The following MAP2 variants were observed in gnomAD, a reference collection of about 807,000 sequenced individuals.
MAP2 encodes the protein microtubule-associated protein 2.
MAP2 carries 14 observed loss-of-function variants against 137.6 expected under a neutral mutation model. The observed-to-expected ratio is 0.10, with a 90% CI of 0.07 to 0.16. The LOEUF is 0.16. Ranked by LOEUF, MAP2 falls within the 10% of genes least tolerant of loss-of-function variation. The probability of loss-of-function intolerance (pLI) is 1.00; values close to 1 mark genes in which losing one functional copy is unlikely to be tolerated. For missense variants in MAP2, 2,088 were observed against 2,191.5 expected (o/e 0.95, Z 0.94); for synonymous variants, 786 against 782.3 (o/e 1.00, Z -0.08).
intron 2 of MAP2, among the ~76,000 whole-genome samples, chr2:209,522,144 T>C (rs936255045): frequency 2.0e-5 from 3 of 148,694 alleles, no homozygotes; most frequent in African/African-American, 7.4e-5. Flanking sequence ...ATGGGCCTCC[T>C]TTTTTTTTTC....
intron 2 of MAP2, among the ~76,000 whole-genome samples, chr2:209,554,957 T>TA (rs1020457589): frequency 2.7e-5 from 4 of 146,542 alleles, no homozygotes; most frequent in African/African-American, 1.0e-4. Context: ...TATATTATTT[T>TA]TATATATATA....
chr2:209,654,841 C>T (rs1312135933), intron 5 of MAP2, among the ~76,000 whole-genome samples: 4 of 151,948 alleles, frequency 2.6e-5, no homozygotes, highest in Admixed American at 6.6e-5. Flanking sequence ...GTTGAGTGAG[C>T]GAGTGAATGA....
At chr2:209,550,278 T>G (rs116390622) in intron 2 of MAP2, among the ~76,000 whole-genome samples, 3,336 of 152,176 alleles carry the variant, frequency 0.022, 43 homozygotes, top group Non-Finnish European at 0.035. Flanking sequence ...ACAACATATA[T>G]CTTATGGAAA....
intron 3 of MAP2, among the ~76,000 whole-genome samples, chr2:209,616,725 G>A (rs532534355): frequency 6.6e-6 from 1 of 152,248 alleles, no homozygotes; most frequent in East Asian, 1.9e-4. Context: ...CACATTAGTT[G>A]GGGTGGAGTG....
intron 1 of MAP2, among the ~76,000 whole-genome samples, chr2:209,430,329 A>G (rs547743299): frequency 7.9e-5 from 12 of 151,776 alleles, no homozygotes; most frequent in Non-Finnish European, 1.8e-4. Context: ...AATTTTGTCT[A>G]CCTGGTGTTT....
At chr2:209,488,482 T>C (rs567157207) in intron 1 of MAP2, among the ~76,000 whole-genome samples, 1 of 151,720 alleles carries the variant, frequency 6.6e-6, no homozygotes, top group Admixed American at 6.6e-5. Flanking sequence ...GGGAGCCAAG[T>C]GGTCTAGCTC....
At chr2:209,653,020 T>A (rs924909927) in intron 4 of MAP2, 122 bp from the exon 5 acceptor site, 1 of 646,472 alleles carries the variant, frequency 1.5e-6, no homozygotes, top group Non-Finnish European at 2.6e-6. Context: ...TAGGTTATTG[T>A]ACATGTTTTC....
intron 2 of MAP2, among the ~76,000 whole-genome samples, chr2:209,540,660 A>G (rs111499304): frequency 0.03 from 3,825 of 129,128 alleles, 153 homozygotes; most frequent in Middle Eastern, 0.055. Context: ...AAAAAAAAAA[A>G]AAGAAGAAAA....
chr2:209,424,312 GCGCCT>G (rs2149208670), intron 1 of MAP2, 36 bp downstream of exon 1: 1 of 152,400 alleles, frequency 6.6e-6, no homozygotes, highest in South Asian at 2.1e-4. Context: ...TCTATGTAGG[GCGCCT>G]CTCCTTTTGC....
intron 3 of MAP2, among the ~76,000 whole-genome samples, chr2:209,613,499 G>A (rs2087794286): frequency 6.6e-6 from 1 of 152,154 alleles, no homozygotes; most frequent in African/African-American, 2.4e-5. Context: ...GTGAAATCAT[G>A]CAAGTCACTA....
At chr2:209,517,528 A>G (rs781348422) in intron 2 of MAP2, among the ~76,000 whole-genome samples, 3 of 152,084 alleles carry the variant, frequency 2.0e-5, no homozygotes, top group South Asian at 2.1e-4. Flanking sequence ...TGAGCATAGT[A>G]TCTTCTTCAT....
At chr2:209,719,659 C>T (rs1009922951) in intron 13 of MAP2, among the ~76,000 whole-genome samples, 41 of 152,206 alleles carry the variant, frequency 2.7e-4, no homozygotes, top group African/African-American at 9.4e-4. Context: ...TGGCAGATCA[C>T]TTCAATTAAA....
intron 5 of MAP2, among the ~76,000 whole-genome samples, chr2:209,677,567 CTTCA>C (rs1237933637): frequency 6.6e-6 from 1 of 151,950 alleles, no homozygotes; most frequent in African/African-American, 2.4e-5. Flanking sequence ...AGTATGTTTC[CTTCA>C]TTCATACCAC....
chr2:209,677,691 T>C (rs543687297), intron 5 of MAP2, among the ~76,000 whole-genome samples: 1 of 152,020 alleles, frequency 6.6e-6, no homozygotes, highest in Non-Finnish European at 1.5e-5. Flanking sequence ...AAGAATATTA[T>C]AATAGTCAGG....
chr2:209,488,913 C>G (rs2058728437), intron 1 of MAP2, among the ~76,000 whole-genome samples: 2 of 152,224 alleles, frequency 1.3e-5, no homozygotes. Flanking sequence ...GGCAGCAGAT[C>G]TCCCAGCATA....
chr2:209,593,506 C>T (rs1345553632), intron 3 of MAP2, among the ~76,000 whole-genome samples: 2 of 143,600 alleles, frequency 1.4e-5, no homozygotes, highest in South Asian at 2.2e-4. Flanking sequence ...GTATCAGCAG[C>T]GTGTGGTAAC....
intron 5 of MAP2, among the ~76,000 whole-genome samples, chr2:209,669,989 G>T (rs988328882): frequency 6.6e-6 from 1 of 151,910 alleles, no homozygotes; most frequent in African/African-American, 2.4e-5. Flanking sequence ...TTAATGAAGA[G>T]AATATAATCC....
chr2:209,533,798 G>A (rs2065514955), intron 2 of MAP2, among the ~76,000 whole-genome samples: 1 of 152,226 alleles, frequency 6.6e-6, no homozygotes, highest in African/African-American at 2.4e-5. Flanking sequence ...AAAGAGGACA[G>A]GAGAGGTGCT....
intron 1 of MAP2, among the ~76,000 whole-genome samples, chr2:209,432,950 G>C (rs985436409): frequency 1.3e-5 from 2 of 152,138 alleles, no homozygotes; most frequent in African/African-American, 4.8e-5. Flanking sequence ...TTTAGAACAT[G>C]ATGTTCTTAC....
Sources: gnomAD v4.1 joint callset for allele counts (sites outside exome capture counted in the v4.1 genomes callset) on GRCh38, gnomAD v4.1.1 for gene constraint, MANE v1.5 for transcripts, NCBI Gene and HGNC (gene_info 2026-07-23, HGNC 2026-07-21) for gene names.